GADL1: variants seen among roughly 807,000 people sequenced by gnomAD.
GADL1 encodes acidic amino acid decarboxylase GADL1.
GADL1 carries 71 observed loss-of-function variants against 69.5 expected under a neutral mutation model. That is an observed-to-expected ratio of 1.02 (90% confidence interval 0.84 to 1.25). The LOEUF is 1.25. GADL1 is among the 50% of genes most tolerant of loss of function. The pLI, the probability that GADL1 is intolerant of heterozygous loss-of-function variation, is 0.00. For synonymous variants in GADL1, 254 were observed against 214.4 expected (o/e 1.18, Z -1.62); for missense variants, 737 against 631.8 (o/e 1.17, Z -1.79).
intron 6 of GADL1, 93 bp downstream of exon 6, chr3:30,849,903 A>G (rs1559360671): frequency 2.7e-6 from 2 of 738,680 alleles, no homozygotes; most frequent in East Asian, 2.6e-5. Context: ...TCACATGGGT[A>G]TAGGACAAAA....
chr3:30,760,667 A>G (rs778687783), intron 14 of GADL1, among the ~76,000 whole-genome samples: 5 of 152,220 alleles, frequency 3.3e-5, no homozygotes, highest in Non-Finnish European at 7.3e-5. Flanking sequence ...ATTCCAAAGG[A>G]TTTAGGCTAG....
At chr3:30,778,344 T>TGA in intron 13 of GADL1, 76 bp from the exon 14 acceptor site, 1 of 930,046 alleles carries the variant, frequency 1.1e-6, no homozygotes, top group Non-Finnish European at 1.7e-6. Context: ...TTAAAACTCT[T>TGA]AGCTAGTTTC....
At chr3:30,741,190 A>ATATGTGTGTGTGTGTGTGTG (rs747105488) in intron 14 of GADL1, among the ~76,000 whole-genome samples, 30 of 132,632 alleles carry the variant, frequency 2.3e-4, no homozygotes, top group African/African-American at 6.3e-4. Context: ...TTATATAATT[A>ATATGTGTGTGTGTGTGTGTG]TGTGTGTGTG....
At chr3:30,764,535 A>G (rs1047609119) in intron 14 of GADL1, among the ~76,000 whole-genome samples, 1 of 152,062 alleles carries the variant, frequency 6.6e-6, no homozygotes, top group Non-Finnish European at 1.5e-5. Context: ...GTCCCTTGTT[A>G]TTTTTCTAAG....
chr3:30,790,859 A>C (rs1257835771), intron 12 of GADL1, among the ~76,000 whole-genome samples: 1 of 152,162 alleles, frequency 6.6e-6, no homozygotes, highest in African/African-American at 2.4e-5. Context: ...TAAAATGCGG[A>C]CTATAGCAAC....
rs545161941 is a variant in GADL1, at chr3:30,854,073, T to C, written c.428+626A>G. ...TCTCAGCTGTACCCACACTGGCCTT[T>C]CAGTTCATAGAGAATGGCATGCTGT... On this transcript the variant is annotated intron_variant, in intron 4 of 14. Transcript: ENST00000282538. Among the ~76,000 whole-genome samples, 49 of 152,274 alleles carry C rather than the reference T, an allele frequency of 3.2e-4. No homozygotes were observed. The East Asian group carries it at 3.5e-3, about 11-fold the overall frequency.
At chr3:30,824,491 T>C (rs1697649986) in intron 11 of GADL1, among the ~76,000 whole-genome samples, 1 of 137,082 alleles carries the variant, frequency 7.3e-6, no homozygotes, top group African/African-American at 3.0e-5. Flanking sequence ...AGTAAAGATA[T>C]GTGCACAAAA....
At chr3:30,863,411 G>A (rs924550927) in intron 1 of GADL1, among the ~76,000 whole-genome samples, 2 of 151,948 alleles carry the variant, frequency 1.3e-5, no homozygotes, top group African/African-American at 4.8e-5. Flanking sequence ...GCCGATCATT[G>A]ACTAAATGTT....
chr3:30,728,519 G>A (rs1050880272), intron 14 of GADL1, 104 bp from the exon 15 acceptor site: 1 of 826,314 alleles, frequency 1.2e-6, no homozygotes, highest in African/African-American at 1.7e-5. Flanking sequence ...CCACTGGTTT[G>A]GATCCCATTC....
Position 30,800,999 on chromosome 3 carries a change from C to T in GADL1, c.1140G>A (p.Lys380=), listed in dbSNP as rs1559503760. 1 of 1,613,678 alleles carries T rather than the reference C, an allele frequency of 6.2e-7. No homozygotes were observed. ...CTGGTCTTCTGCTACACTGGATAGA[C>T]TTGTCTCCTGTGTCATAGCTCACAT... is the stretch of plus-strand genomic sequence containing the variant. ...FYDVSYDTGD[K]SIQCSRRPDA... The change falls in exon 12 of 15, where the codon AAG becomes AAA. Residue 380 remains lysine (K), a synonymous_variant. Transcript: ENST00000282538.
At chr3:30,848,893 T>C (rs910016022) in intron 6 of GADL1, among the ~76,000 whole-genome samples, 1 of 152,190 alleles carries the variant, frequency 6.6e-6, no homozygotes, top group Non-Finnish European at 1.5e-5. Flanking sequence ...TGTTCTCTGT[T>C]CCGTGTATTC....
At chr3:30,739,670 C>T (rs1414077612) in intron 14 of GADL1, among the ~76,000 whole-genome samples, 1 of 152,140 alleles carries the variant, frequency 6.6e-6, no homozygotes, top group Non-Finnish European at 1.5e-5. Context: ...ATCTCAGAGG[C>T]AAAACCTGAA....
chr3:30,795,953 T>C (rs1697024171), intron 12 of GADL1, among the ~76,000 whole-genome samples: 1 of 152,216 alleles, frequency 6.6e-6, no homozygotes, highest in Non-Finnish European at 1.5e-5. Flanking sequence ...CTCACTAAAA[T>C]GTTAATTCAA....
intron 14 of GADL1, among the ~76,000 whole-genome samples, chr3:30,757,608 A>G (rs1279770807): frequency 6.6e-6 from 1 of 152,120 alleles, no homozygotes; most frequent in Non-Finnish European, 1.5e-5. Context: ...TTTGCTGTTT[A>G]TTTTCTAGGG....
At chr3:30,756,377 C>T (rs767607592) in intron 14 of GADL1, among the ~76,000 whole-genome samples, 2 of 151,784 alleles carry the variant, frequency 1.3e-5, no homozygotes, top group African/African-American at 2.4e-5. Flanking sequence ...CTTGTCAAGC[C>T]ATAAAACACT....
At chr3:30,770,994 C>A (rs921121749) in intron 14 of GADL1, among the ~76,000 whole-genome samples, 1 of 152,064 alleles carries the variant, frequency 6.6e-6, no homozygotes, top group Non-Finnish European at 1.5e-5. Context: ...AAATTTTATG[C>A]GTTGAAAGAT....
In GADL1 at chr3:30,850,931, C is replaced by G. The variant is rs1453741979; in HGVS notation, c.439G>C (p.Glu147Gln). 5.2e-6 allele frequency: 8 copies of G among 1,531,894 alleles called. No individual in the cohort carries two copies. Among genetic ancestry groups the G allele is most frequent in the Non-Finnish European group, 1.8e-6 (2 of 1,129,326 alleles). The allele number at this position is 1,531,894 out of a possible 1,614,324, so 94.9% of individuals were successfully genotyped here. ...ACTAACAGAAACACTGGGGACACCT[C>G]ATACGTATAACTAGATAGATATAAA... ...EALNPSVYTY[E>Q]VSPVFLLVEE... The change falls in exon 5 of 15, where the codon GAG (glutamate) becomes CAG (glutamine). Residue 147 changes from glutamate (E) to glutamine (Q), a missense_variant. Transcript: ENST00000282538.
chr3:30,754,788 A>T (rs889302504), intron 14 of GADL1, among the ~76,000 whole-genome samples: 28 of 152,192 alleles, frequency 1.8e-4, no homozygotes, highest in African/African-American at 6.3e-4. Context: ...AGAAGATGTA[A>T]TTACCCAGCA....
chr3:30,737,420 A>G (rs1695555184), intron 14 of GADL1, among the ~76,000 whole-genome samples: 2 of 152,192 alleles, frequency 1.3e-5, no homozygotes, highest in Non-Finnish European at 2.9e-5. Flanking sequence ...ATAAAATCTA[A>G]TAAAGTGTTT....
Sources: gnomAD v4.1 joint callset for allele counts (sites outside exome capture counted in the v4.1 genomes callset) on GRCh38, gnomAD v4.1.1 for gene constraint, MANE v1.5 for transcripts, NCBI Gene and HGNC (gene_info 2026-07-23, HGNC 2026-07-21) for gene names.